The following PKIB variants were observed in gnomAD, a reference collection of about 807,000 sequenced individuals.
PKIB encodes the protein PKI-beta.
Under a neutral mutation model 4.5 loss-of-function variants are expected in PKIB, and 2 were observed. The observed-to-expected ratio is 0.44, with a 90% confidence interval of 0.18 to 1.39. The LOEUF (loss-of-function observed/expected upper bound fraction) is 1.39, where lower values mean the gene tolerates loss of function less well. Among genes scored for constraint, PKIB ranks in the 40% most tolerant of loss-of-function variants. The probability of loss-of-function intolerance (pLI) is 0.27; values close to 1 mark genes in which losing one functional copy is unlikely to be tolerated. For synonymous variants in PKIB, 38 were observed against 36.0 expected, an observed-to-expected ratio of 1.06 and a Z score of -0.20; for missense variants, 94 against 92.6, an observed-to-expected ratio of 1.02 and a Z score of -0.06.
intron 3 of PKIB, among the ~76,000 whole-genome samples, chr6:122,713,243 A>C (rs940809952): frequency 6.6e-6 from 1 of 152,172 alleles, no homozygotes; most frequent in Non-Finnish European, 1.5e-5. Flanking sequence ...CAAATGTCTA[A>C]ATGGTTCCAG....
chr6:122,658,177 G>A (rs1001659801), intron 2 of PKIB, among the ~76,000 whole-genome samples: 2 of 152,092 alleles, frequency 1.3e-5, no homozygotes, highest in Admixed American at 1.3e-4. Context: ...GCTGGTTCTG[G>A]AATAATTAAT....
intron 1 of PKIB, among the ~76,000 whole-genome samples, chr6:122,625,077 C>T (rs150288845): frequency 9.2e-5 from 14 of 152,246 alleles, no homozygotes; most frequent in South Asian, 6.2e-4. Context: ...AAAGCAGTTG[C>T]GCAATGCAGA....
In PKIB at chr6:122,663,978, T is replaced by G. The variant is rs117465957; in HGVS notation, c.-75-11100T>G. ...TTAGTATTTTAGCATTTAGAACATA[T>G]GTTCTTTGTACCACTTCCTTCAAAA... On this transcript the variant is annotated intron_variant, in intron 2 of 4. Coordinates refer to ENST00000368452, the MANE Select transcript of PKIB (RefSeq NM_181795.3). Among the ~76,000 whole-genome samples, 185 of 152,322 alleles carry G rather than the reference T, an allele frequency of 1.2e-3. 3 individuals are homozygous for G. The East Asian group carries it at 0.02, about 17-fold the overall frequency.
chr6:122,718,242 T>G (rs1414380644), intron 4 of PKIB, among the ~76,000 whole-genome samples: 6 of 152,204 alleles, frequency 3.9e-5, no homozygotes, highest in Admixed American at 3.9e-4. Context: ...AATACAAAGG[T>G]GAACAAATAT....
chr6:122,710,906 A>C (rs1419452352), intron 3 of PKIB, among the ~76,000 whole-genome samples: 4 of 152,210 alleles, frequency 2.6e-5, no homozygotes, highest in Non-Finnish European at 5.9e-5. Context: ...ATGAAAGTGA[A>C]GGAGTATAAA....
intron 2 of PKIB, among the ~76,000 whole-genome samples, chr6:122,495,196 T>A (rs79548920): frequency 3.2e-4 from 48 of 152,254 alleles, no homozygotes; most frequent in African/African-American, 1.1e-3. Flanking sequence ...AGACAAGGTT[T>A]AGCACCTCTG....
At chr6:122,492,386 C>T (rs115097722) in intron 2 of PKIB, among the ~76,000 whole-genome samples, 1,856 of 152,148 alleles carry the variant, frequency 0.012, 42 homozygotes, top group African/African-American at 0.043. Flanking sequence ...TTTAGATCTA[C>T]GACCTATGGT....
intron 2 of PKIB, among the ~76,000 whole-genome samples, chr6:122,502,436 G>A (rs1776269612): frequency 6.6e-6 from 1 of 151,734 alleles, no homozygotes; most frequent in African/African-American, 2.4e-5. Context: ...AGGAGGCATG[G>A]CTGGGGAGGA....
chr6:122,682,152 C>A (rs1268925216), intron 3 of PKIB, among the ~76,000 whole-genome samples: 1 of 150,546 alleles, frequency 6.6e-6, no homozygotes, highest in African/African-American at 2.4e-5. Context: ...TTTTTTTTAG[C>A]TCGAATAGTC....
intron 2 of PKIB, among the ~76,000 whole-genome samples, chr6:122,560,669 G>A (rs1187642130): frequency 1.3e-5 from 2 of 151,968 alleles, no homozygotes; most frequent in African/African-American, 4.8e-5. Context: ...ATCTGGTCCT[G>A]CACTTTTTTT....
chr6:122,684,099 T>G (rs1370430729), intron 3 of PKIB, among the ~76,000 whole-genome samples: 1 of 152,164 alleles, frequency 6.6e-6, no homozygotes, highest in African/African-American at 2.4e-5. Context: ...AGACAAATGC[T>G]GCATGAGCTC....
At chr6:122,541,049 A>G (rs1166117718) in intron 2 of PKIB, among the ~76,000 whole-genome samples, 6 of 150,734 alleles carry the variant, frequency 4.0e-5, no homozygotes, top group African/African-American at 9.8e-5. Flanking sequence ...ATCTTCCTCC[A>G]TCCTTTTATT....
At chr6:122,603,719 G>A (rs781714840) in intron 3 of PKIB, among the ~76,000 whole-genome samples, 25 of 152,284 alleles carry the variant, frequency 1.6e-4, no homozygotes, top group South Asian at 6.2e-4. Context: ...GGCCTCAAGT[G>A]TTCCGCCCAC....
intron 2 of PKIB, among the ~76,000 whole-genome samples, chr6:122,497,166 C>G (rs1776095339): frequency 6.6e-6 from 1 of 152,082 alleles, no homozygotes; most frequent in African/African-American, 2.4e-5. Context: ...CTTGTTCAGA[C>G]AAGAAATCAC....
chr6:122,694,063 G>C (rs1353901323), intron 3 of PKIB, among the ~76,000 whole-genome samples: 1 of 152,150 alleles, frequency 6.6e-6, no homozygotes, highest in Non-Finnish European at 1.5e-5. Flanking sequence ...TAAAACCACA[G>C]TAAATAGTCC....
chr6:122,587,047 T>C (rs1773871782), intron 3 of PKIB, among the ~76,000 whole-genome samples: 1 of 152,064 alleles, frequency 6.6e-6, no homozygotes, highest in South Asian at 2.1e-4. Flanking sequence ...TTATTGTACT[T>C]TAAGTTTTAG....
At chr6:122,541,260 G>A (rs916061620) in intron 2 of PKIB, among the ~76,000 whole-genome samples, 3 of 152,076 alleles carry the variant, frequency 2.0e-5, no homozygotes, top group Admixed American at 6.6e-5. Context: ...ATTAGTTGAT[G>A]CAGTTTCTTC....
intron 2 of PKIB, among the ~76,000 whole-genome samples, chr6:122,511,547 T>TG (rs1185955807): frequency 3.3e-5 from 5 of 152,148 alleles, no homozygotes; most frequent in Non-Finnish European, 7.3e-5. Context: ...GGTGACAAAA[T>TG]GTTGGGGGCA....
intron 2 of PKIB, among the ~76,000 whole-genome samples, chr6:122,540,499 G>A (rs1777560329): frequency 6.6e-6 from 1 of 152,026 alleles, no homozygotes; most frequent in South Asian, 2.1e-4. Context: ...TTTTGAGTGA[G>A]TTTCTTAGTC....
Sources: gnomAD v4.1 joint callset for allele counts (sites outside exome capture counted in the v4.1 genomes callset) on GRCh38, gnomAD v4.1.1 for gene constraint, MANE v1.5 for transcripts, NCBI Gene and HGNC (gene_info 2026-07-23, HGNC 2026-07-21) for gene names.